TMEM87A: variants seen among roughly 807,000 people sequenced by gnomAD.
TMEM87A encodes the protein transmembrane protein 87A.
A neutral mutation model predicts 90.0 loss-of-function variants in TMEM87A; 50 were observed. The observed-to-expected ratio is 0.56, with a 90% CI of 0.44 to 0.70. The LOEUF is 0.70. Ranked by LOEUF, TMEM87A falls within the 30% of genes least tolerant of loss-of-function variation. TMEM87A has a pLI of 0.00. For missense variants in TMEM87A, 577 were observed against 660.5 expected, an observed-to-expected ratio of 0.87 and a Z score of 1.39; for synonymous variants, 226 against 226.7, an observed-to-expected ratio of 1.00 and a Z score of 0.03.
At chr15:42,270,068 G>T (rs550709011) in intron 2 of TMEM87A, among the ~76,000 whole-genome samples, 303 of 148,182 alleles carry the variant, frequency 2.0e-3, no homozygotes, top group African/African-American at 7.3e-3. Flanking sequence ...CAAAGAAAAA[G>T]ATAATGTTAA....
At chr15:42,261,134 G>T in intron 5 of TMEM87A, 62 bp downstream of exon 5, 1 of 1,573,922 alleles carries the variant, frequency 6.4e-7, no homozygotes, top group Non-Finnish European at 8.7e-7. Context: ...GTGAGCACGG[G>T]TATCTCCTGC....
intron 3 of TMEM87A, 116 bp downstream of exon 3, chr15:42,267,831 T>C (rs2051435690): frequency 1.4e-6 from 1 of 695,606 alleles, no homozygotes; most frequent in South Asian, 2.8e-5. Context: ...GCATGCATTC[T>C]AGTTTCAGCT....
intron 8 of TMEM87A, among the ~76,000 whole-genome samples, chr15:42,239,040 T>C (rs12917071): frequency 0.94 from 142,521 of 151,972 alleles, 67,293 homozygotes; most frequent in Non-Finnish European, 1. Flanking sequence ...GGGAGCTTCA[T>C]CATTTTGTTA....
intron 3 of TMEM87A, among the ~76,000 whole-genome samples, chr15:42,266,739 T>C (rs952649879): frequency 1.3e-5 from 2 of 152,164 alleles, no homozygotes; most frequent in Admixed American, 1.3e-4. Context: ...ATTATTAATG[T>C]TATTAAATCT....
At chr15:42,227,909 A>G (rs1211064528) in intron 13 of TMEM87A, 140 bp from the exon 14 acceptor site, 4 of 700,984 alleles carry the variant, frequency 5.7e-6, no homozygotes, top group African/African-American at 3.5e-5. Flanking sequence ...ATTTTAACAA[A>G]TGTATTCAAT....
At chr15:42,218,595 C>T (rs1455092634) in intron 17 of TMEM87A, among the ~76,000 whole-genome samples, 6 of 152,144 alleles carry the variant, frequency 3.9e-5, no homozygotes, top group Non-Finnish European at 8.8e-5. Flanking sequence ...CCCTGGTAAC[C>T]AGCACTCAAC....
At chr15:42,236,482 T>C in intron 9 of TMEM87A, 63 bp from the exon 10 acceptor site, 1 of 1,286,424 alleles carries the variant, frequency 7.8e-7, no homozygotes, top group Non-Finnish European at 1.1e-6. Flanking sequence ...CAGATGCCAA[T>C]ACTAGACTGC....
intron 19 of TMEM87A, among the ~76,000 whole-genome samples, chr15:42,216,001 TA>T (rs1401947937): frequency 6.6e-6 from 1 of 152,162 alleles, no homozygotes; most frequent in Non-Finnish European, 1.5e-5. Context: ...CACTGACAGA[TA>T]AATGGATGAA....
At chr15:42,272,166 A>C (rs772533317) in intron 1 of TMEM87A, 43 bp from the exon 2 acceptor site, 6 of 1,418,748 alleles carry the variant, frequency 4.2e-6, no homozygotes, top group Non-Finnish European at 5.9e-6. Flanking sequence ...GATGGCTTCA[A>C]TTACCAAAGC....
intron 6 of TMEM87A, among the ~76,000 whole-genome samples, chr15:42,244,403 CAT>C (rs1320786528): frequency 6.6e-6 from 1 of 151,876 alleles, no homozygotes; most frequent in South Asian, 2.1e-4. Context: ...TCACATTTAA[CAT>C]ATTTTTTTAA....
chr15:42,211,958 C>T (rs555518601), intron 19 of TMEM87A, among the ~76,000 whole-genome samples: 3 of 152,132 alleles, frequency 2.0e-5, no homozygotes, highest in African/African-American at 7.2e-5. Context: ...AAGCTCTAGG[C>T]TTCTGGACAG....
intron 5 of TMEM87A, 74 bp downstream of exon 5, chr15:42,261,122 C>T: frequency 6.5e-7 from 1 of 1,548,924 alleles, no homozygotes. Context: ...CTTAGAGATG[C>T]AGTGAGCACG....
chr15:42,246,244 C>A lies in TMEM87A; in HGVS notation c.505-2077G>T, dbSNP rs554425742. 2.0e-5 allele frequency among the ~76,000 whole-genome samples: 3 copies of A among 152,118 alleles called. No individual in the cohort carries two copies. The East Asian group carries it at 5.8e-4, about 29-fold the overall frequency. On this transcript the variant is annotated intron_variant, in intron 6 of 19. Coordinates refer to ENST00000389834, the MANE Select transcript of TMEM87A (RefSeq NM_015497.5). The stretch of plus-strand genomic sequence containing the variant: ...TTTCTTTTTGAGTTGAAGGAATTGG[C>A]AAATATTTTATTGATCATGGTTAAC...
At chr15:42,260,332 C>T (rs1001108062) in intron 6 of TMEM87A, among the ~76,000 whole-genome samples, 5 of 152,174 alleles carry the variant, frequency 3.3e-5, no homozygotes, top group African/African-American at 7.2e-5. Flanking sequence ...CATCTTCATA[C>T]CACTGTTCTC....
intron 7 of TMEM87A, among the ~76,000 whole-genome samples, chr15:42,240,581 A>C (rs2050850504): frequency 2.0e-5 from 3 of 152,240 alleles, no homozygotes; most frequent in Non-Finnish European, 1.5e-5. Context: ...GCAAACATTG[A>C]CTAATTTTAA....
intron 7 of TMEM87A, 109 bp downstream of exon 7, chr15:42,243,941 A>G: frequency 1.7e-6 from 1 of 580,514 alleles, no homozygotes; most frequent in Non-Finnish European, 2.8e-6. Flanking sequence ...TGTCAAATGA[A>G]GGAAATAGAA....
intron 6 of TMEM87A, among the ~76,000 whole-genome samples, chr15:42,257,623 C>T (rs760069846): frequency 1.3e-5 from 2 of 152,198 alleles, no homozygotes; most frequent in South Asian, 2.1e-4. Flanking sequence ...ACTGTGCATA[C>T]ATGTGGATCT....
intron 4 of TMEM87A, among the ~76,000 whole-genome samples, chr15:42,261,741 C>T (rs1241249622): frequency 6.0e-5 from 9 of 150,788 alleles, no homozygotes; most frequent in Admixed American, 1.3e-4. Flanking sequence ...TCATGCCATT[C>T]TCCTGCCTCA....
intron 8 of TMEM87A, 82 bp downstream of exon 8, chr15:42,239,588 A>G (rs985064003): frequency 1.3e-5 from 16 of 1,186,154 alleles, no homozygotes; most frequent in Admixed American, 7.0e-5. Flanking sequence ...ATTCATTAAA[A>G]AGAATACTGC....
Sources: gnomAD v4.1 joint callset for allele counts (sites outside exome capture counted in the v4.1 genomes callset) on GRCh38, gnomAD v4.1.1 for gene constraint, MANE v1.5 for transcripts, NCBI Gene and HGNC (gene_info 2026-07-23, HGNC 2026-07-21) for gene names.